The following HEMK2 variants were observed in gnomAD, a reference collection of about 807,000 sequenced individuals.
HEMK2 encodes the protein methyltransferase HEMK2.
the HEMK2 span, among the ~76,000 whole-genome samples, chr21:28,762,139 C>T: frequency 0.069 from 10,525 of 152,138 alleles, 417 homozygotes; most frequent in Middle Eastern, 0.12. Flanking sequence ...CAGAAATTCA[C>T]ACAAGAAGAG....
At chr21:28,865,307 A>C in the HEMK2 span, among the ~76,000 whole-genome samples, 7 of 152,182 alleles carry the variant, frequency 4.6e-5, no homozygotes, top group Non-Finnish European at 8.8e-5. Context: ...CTGAGATTAC[A>C]GGTGCACACC....
At chr21:28,762,281 G>T in the HEMK2 span, among the ~76,000 whole-genome samples, 1 of 152,058 alleles carries the variant, frequency 6.6e-6, no homozygotes, top group African/African-American at 2.4e-5. Flanking sequence ...TTAAAGGCTT[G>T]CACAAGGAAA....
At chr21:28,715,779 A>G in the HEMK2 span, among the ~76,000 whole-genome samples, 1 of 152,170 alleles carries the variant, frequency 6.6e-6, no homozygotes, top group Non-Finnish European at 1.5e-5. Context: ...TTTAGGTCTT[A>G]CATCTAAGTC....
At chr21:28,611,867 G>A in the HEMK2 span, among the ~76,000 whole-genome samples, 3 of 146,732 alleles carry the variant, frequency 2.0e-5, no homozygotes, top group Admixed American at 6.9e-5. Context: ...AGTGAAGATC[G>A]TGCCACTGCA....
chr21:28,850,961 T>A, the HEMK2 span, among the ~76,000 whole-genome samples: 2 of 105,650 alleles, frequency 1.9e-5, no homozygotes, highest in African/African-American at 8.9e-5. Context: ...CTCCTGTAAC[T>A]TACTTGTGCC....
chr21:28,798,560 G>C, the HEMK2 span, among the ~76,000 whole-genome samples: 1 of 151,890 alleles, frequency 6.6e-6, no homozygotes, highest in African/African-American at 2.4e-5. Context: ...TGTAACTCTA[G>C]AGCCTGAGTG....
the HEMK2 span, among the ~76,000 whole-genome samples, chr21:28,681,951 G>A: frequency 1.3e-5 from 2 of 152,132 alleles, no homozygotes; most frequent in African/African-American, 4.8e-5. Flanking sequence ...GAAAACCCTA[G>A]AAGAAAACCT....
At chr21:28,841,562 C>T in the HEMK2 span, among the ~76,000 whole-genome samples, 2 of 143,742 alleles carry the variant, frequency 1.4e-5, no homozygotes, top group Non-Finnish European at 3.0e-5. Flanking sequence ...TGAAGTAACT[C>T]AGGAATTGAA....
the HEMK2 span, among the ~76,000 whole-genome samples, chr21:28,844,562 G>T: frequency 2.6e-5 from 4 of 151,966 alleles, no homozygotes; most frequent in Admixed American, 2.6e-4. Context: ...TCTTTCTATG[G>T]AATAGAGTCC....
At chr21:28,882,270 G>C in the HEMK2 span, 1 of 1,579,536 alleles carries the variant, frequency 6.3e-7, no homozygotes, top group Non-Finnish European at 8.7e-7. Flanking sequence ...GAAATGGAAG[G>C]AAACTATATC....
chr21:28,712,672 G>A, the HEMK2 span, among the ~76,000 whole-genome samples: 1 of 152,118 alleles, frequency 6.6e-6, no homozygotes, highest in African/African-American at 2.4e-5. Flanking sequence ...TCAAGACCTT[G>A]GATATGATGT....
chr21:28,877,007 GGAAGGAAGGAAGGAAGGAAGGAAGGAA>G, the HEMK2 span, among the ~76,000 whole-genome samples: 1 of 26,172 alleles, frequency 3.8e-5, no homozygotes, highest in Non-Finnish European at 9.3e-5. Flanking sequence ...GAGGGAGGGA[GGAAGGAAGGAAGGAAGGAAGGAAGGAA>G]GGAGGGAGGG....
chr21:28,678,462 A>C, the HEMK2 span, among the ~76,000 whole-genome samples: 1 of 152,186 alleles, frequency 6.6e-6, no homozygotes. Context: ...CAAGCTGGAA[A>C]ACACTCTGCA....
the HEMK2 span, among the ~76,000 whole-genome samples, chr21:28,675,631 C>T: frequency 2.0e-5 from 3 of 152,218 alleles, no homozygotes; most frequent in African/African-American, 7.2e-5. Context: ...TGATGACTTG[C>T]ATTTCAACCA....
At chr21:28,738,978 G>C in the HEMK2 span, among the ~76,000 whole-genome samples, 18 of 152,294 alleles carry the variant, frequency 1.2e-4, no homozygotes, top group South Asian at 2.7e-3. Flanking sequence ...CATTGAAATT[G>C]TGAGTGACAT....
chr21:28,743,671 T>C, the HEMK2 span, among the ~76,000 whole-genome samples: 1 of 152,142 alleles, frequency 6.6e-6, no homozygotes, highest in Non-Finnish European at 1.5e-5. Flanking sequence ...AGAGATCTTG[T>C]TTAATTAAGG....
chr21:28,873,041 A>G, the HEMK2 span: 5 of 152,226 alleles, frequency 3.3e-5, no homozygotes, highest in African/African-American at 7.2e-5. Context: ...CTTGGCACCC[A>G]TAAACATCTC....
chr21:28,870,580 C>T, the HEMK2 span, among the ~76,000 whole-genome samples: 26,114 of 151,834 alleles, frequency 0.17, 2,341 homozygotes, highest in South Asian at 0.23. Context: ...TTTTTATTTT[C>T]AGTAAAGATG....
the HEMK2 span, among the ~76,000 whole-genome samples, chr21:28,847,104 C>A: frequency 6.6e-6 from 1 of 152,088 alleles, no homozygotes; most frequent in Non-Finnish European, 1.5e-5. Context: ...TATATGTATG[C>A]ATGTATTTTT....
Sources: allele counts gnomAD v4.1 joint callset (sites outside exome capture counted in the v4.1 genomes callset), GRCh38; gene constraint gnomAD v4.1.1; transcripts MANE v1.5; gene names NCBI Gene and HGNC (gene_info 2026-07-23, HGNC 2026-07-21).